Variants in BRIP1 observed in about 807,000 individuals in gnomAD.
The protein encoded by BRIP1 is BRCA1 interacting DNA helicase 1, also known as Fanconi anemia group J protein.
A neutral mutation model predicts 119.7 loss-of-function variants in BRIP1; 88 were observed. That is an observed-to-expected ratio of 0.74 (90% CI 0.62 to 0.88). The LOEUF is 0.88. Ranked by LOEUF, BRIP1 falls within the 40% of genes least tolerant of loss-of-function variation. BRIP1 has a pLI of 0.00. For synonymous variants in BRIP1, 443 were observed against 496.5 expected (o/e 0.89, Z 1.43); for missense variants, 1,259 against 1,455.4 (o/e 0.87, Z 2.20).
chr17:61,826,731 T>TAAA lies in BRIP1; in HGVS notation c.628-17977_628-17975dup, dbSNP rs58466965. ...AGTCAGAATGGCTATTATTAAAAAG[T>TAAA]AAAAAAAAAAAAAAAAAAAAAAAAA... On this transcript the variant is annotated intron_variant, in intron 6 of 19. Coordinates refer to ENST00000259008, the MANE Select transcript of BRIP1 (RefSeq NM_032043.3). Among the ~76,000 whole-genome samples, 115 of 75,314 alleles carry TAAA rather than the reference T, an allele frequency of 1.5e-3. 6 individuals carry two copies. The highest frequency in any genetic ancestry group is 3.5e-3 in the African/African-American group (72 of 20,522). The allele number at this position is 75,314 out of a possible 152,430, so 49.4% of individuals were successfully genotyped here. A position where few individuals can be genotyped will look rare whatever the true frequency, so the allele number is the denominator to read the frequency against.
chr17:61,732,696 ATT>A (rs539570210), intron 16 of BRIP1, among the ~76,000 whole-genome samples: 4 of 146,470 alleles, frequency 2.7e-5, no homozygotes, highest in African/African-American at 7.5e-5. Context: ...TATCATTAAC[ATT>A]TTTTTTTTTT....
rs1212448071 is a variant in BRIP1 at position 61,686,699 on chromosome 17, A to C, written c.2576-534T>G. Among the ~76,000 whole-genome samples, 1 of 152,076 alleles carries C rather than the reference A, an allele frequency of 6.6e-6. No individual in the cohort carries two copies. Among genetic ancestry groups the C allele is most frequent in the Admixed American group, 6.5e-5 (1 of 15,268 alleles). ...ATAAATAACACTGTCTTATGGGTAA[A>C]TCACATCCCTTCTGAATTTTTATGA... is the stretch of plus-strand genomic sequence containing the variant. On this transcript the variant is annotated intron_variant, in intron 18 of 19. Transcript: ENST00000259008. This position sits in a 1 kb window ranked among gnomAD's most constrained non-coding sequence, Gnocchi z 5.4.
rs1035532868 is a variant in BRIP1, at chr17:61,703,530, G to A, written c.2493-10018C>T. On this transcript the variant is annotated intron_variant, in intron 17 of 19. Transcript: ENST00000259008. This position sits in a 1 kb window ranked among gnomAD's most constrained non-coding sequence, Gnocchi z 5.0. ...TCAATTTAAGTTCCTTATGGATTCT[G>A]GATATTAGACGTTTGTAAGATGCAT... Among the ~76,000 whole-genome samples the A allele has an allele frequency of 1.3e-5, 2 of 152,118 alleles. No individual in the cohort carries two copies. Among genetic ancestry groups the A allele is most frequent in the African/African-American group, 4.8e-5 (2 of 41,424 alleles).
chr17:61,767,721 C>T lies in BRIP1; in HGVS notation c.2097+8680G>A, dbSNP rs2077392661. On this transcript the variant is annotated intron_variant, in intron 14 of 19. Coordinates refer to ENST00000259008, the MANE Select transcript of BRIP1 (RefSeq NM_032043.3). This position sits in a 1 kb window ranked among gnomAD's most constrained non-coding sequence, Gnocchi z 5.7. Reference sequence around the variant, plus strand: ...CTGGGATTACAGGTGTGAGTCACCGCACCTGGCCCTTATCCTATGTTTCTT... The same window carrying T: ...CTGGGATTACAGGTGTGAGTCACCGTACCTGGCCCTTATCCTATGTTTCTT... Among the ~76,000 whole-genome samples the T allele has an allele frequency of 6.6e-6, 1 of 152,192 alleles. No individual in the cohort carries two copies. Among genetic ancestry groups the T allele is most frequent in the Non-Finnish European group, 1.5e-5 (1 of 68,026 alleles).
intron 4 of BRIP1, among the ~76,000 whole-genome samples, chr17:61,854,197 A>C (rs911937470): frequency 8.5e-5 from 13 of 152,084 alleles, no homozygotes; most frequent in South Asian, 4.1e-4. Context: ...TGGTTCCAGG[A>C]GGCAGGGGTT....
intron 6 of BRIP1, among the ~76,000 whole-genome samples, chr17:61,821,516 T>C (rs2078325402): frequency 6.7e-6 from 1 of 149,820 alleles, no homozygotes; most frequent in African/African-American, 2.5e-5. Flanking sequence ...TTGTATTTTT[T>C]ACCTTTTTAT....
chr17:61,772,634 C>A (rs186270030), intron 14 of BRIP1, among the ~76,000 whole-genome samples: 2 of 152,010 alleles, frequency 1.3e-5, no homozygotes, highest in East Asian at 3.9e-4. Context: ...GCCTGACCAA[C>A]CTGGAGAAAC....
In BRIP1 at chr17:61,807,584, A is replaced by C. The variant is rs1453832805; in HGVS notation, c.918+883T>G. On this transcript the variant is annotated intron_variant, in intron 7 of 19. Coordinates refer to ENST00000259008, the MANE Select transcript of BRIP1 (RefSeq NM_032043.3). This position sits in a 1 kb window ranked among gnomAD's most constrained non-coding sequence, Gnocchi z 4.5. Reference sequence around the variant, plus strand: ...AATTCACATTATATGGTAGGGGGTGATATATCAATGAAATGAAACTCTGGG... The same window carrying C: ...AATTCACATTATATGGTAGGGGGTGCTATATCAATGAAATGAAACTCTGGG... 6.6e-6 allele frequency among the ~76,000 whole-genome samples: 1 copy of C among 152,172 alleles called. No homozygotes were observed. Among genetic ancestry groups the C allele is most frequent in the East Asian group, 1.9e-4 (1 of 5,204 alleles).
chr17:61,848,991 T>C lies in BRIP1; in HGVS notation c.507+138A>G. The C allele has an allele frequency of 1.0e-6, 1 of 993,680 alleles. No individual in the cohort carries two copies. The allele number at this position is 993,680 out of a possible 1,614,324, so 61.6% of individuals were successfully genotyped here. A position where few individuals can be genotyped will look rare whatever the true frequency, so the allele number is the denominator to read the frequency against. ...CTTTGTAACAAGTAACTCTACAAAATGAAATTACAACAAATTATTAATTTA... is the reference window on the plus strand; with the variant it reads ...CTTTGTAACAAGTAACTCTACAAAACGAAATTACAACAAATTATTAATTTA... On this transcript the variant is annotated intron_variant, in intron 5 of 19. Coordinates refer to ENST00000259008, the MANE Select transcript of BRIP1 (RefSeq NM_032043.3). This position sits in a 1 kb window ranked among gnomAD's most constrained non-coding sequence, Gnocchi z 4.3.
chr17:61,833,679 A>AG (rs2078527922), intron 6 of BRIP1, among the ~76,000 whole-genome samples: 1 of 151,924 alleles, frequency 6.6e-6, no homozygotes, highest in Non-Finnish European at 1.5e-5. Flanking sequence ...TCAAAAAAAA[A>AG]AAAAAAAGCC....
intron 14 of BRIP1, among the ~76,000 whole-genome samples, chr17:61,772,189 AT>A (rs2077462627): frequency 1.5e-5 from 2 of 132,786 alleles, no homozygotes; most frequent in Non-Finnish European, 3.2e-5. Flanking sequence ...ATATATATAT[AT>A]ATATATATAT....
In BRIP1 at chr17:61,822,284, T is replaced by C. The variant is rs1463269066; in HGVS notation, c.628-13527A>G. Among the ~76,000 whole-genome samples the C allele has an allele frequency of 6.6e-6, 1 of 152,168 alleles. No individual in the cohort carries two copies. The highest frequency in any genetic ancestry group is 1.5e-5 in the Non-Finnish European group (1 of 68,032). ...TTACTAGAATTTTTATAAGCAAATA[T>C]CACTTTTATAAAAACAATTACATTT... On this transcript the variant is annotated intron_variant, in intron 6 of 19. Coordinates refer to ENST00000259008, the MANE Select transcript of BRIP1 (RefSeq NM_032043.3). The surrounding 1 kb of genome is among the most constrained non-coding windows in gnomAD (Gnocchi z 4.4).
rs759061356 is a variant in BRIP1, at chr17:61,815,074, T to C, written c.628-6317A>G. On this transcript the variant is annotated intron_variant, in intron 6 of 19. Coordinates refer to ENST00000259008, the MANE Select transcript of BRIP1 (RefSeq NM_032043.3). This position sits in a 1 kb window ranked among gnomAD's most constrained non-coding sequence, Gnocchi z 4.1. Reference sequence around the variant, plus strand: ...GGAAGATAATCTTAAAAGCTAACAATTGTCATGAAAAACATACCTGAAAAA... The same window carrying C: ...GGAAGATAATCTTAAAAGCTAACAACTGTCATGAAAAACATACCTGAAAAA... Among the ~76,000 whole-genome samples, 3 of 149,724 alleles carry C rather than the reference T, an allele frequency of 2.0e-5. No individual in the cohort carries two copies. The highest frequency in any genetic ancestry group is 2.1e-4 in the South Asian group (1 of 4,754).
intron 17 of BRIP1, among the ~76,000 whole-genome samples, chr17:61,702,538 A>G (rs1175578033): frequency 6.6e-6 from 1 of 152,158 alleles, no homozygotes; most frequent in Non-Finnish European, 1.5e-5. Context: ...GCTCCCGTGT[A>G]TAAGTGAGAA....
rs2078339307 is a variant in BRIP1 at position 61,822,368 on chromosome 17, GAAGT to G, written c.628-13615_628-13612del. On this transcript the variant is annotated intron_variant, in intron 6 of 19. Transcript: ENST00000259008. This position sits in a 1 kb window ranked among gnomAD's most constrained non-coding sequence, Gnocchi z 4.4. The stretch of plus-strand genomic sequence containing the variant: ...CAGGGTAGAGATACTACCAAAAGGA[GAAGT>G]AACTAGTTTTTCAGGGCTTGCAGAA... 5.3e-5 allele frequency among the ~76,000 whole-genome samples: 8 copies of G among 152,076 alleles called. No homozygotes were observed. Among genetic ancestry groups the G allele is most frequent in the Admixed American group, 5.2e-4 (8 of 15,264 alleles).
chr17:61,693,933 CAT>C lies in BRIP1; in HGVS notation c.2493-423_2493-422del, dbSNP rs1225036805. ...ATATTCTAAAATTCAATTGACATAA[CAT>C]GTAGTTTTTCTTCTTTTGACTGTTA... On this transcript the variant is annotated intron_variant, in intron 17 of 19. Coordinates refer to ENST00000259008, the MANE Select transcript of BRIP1 (RefSeq NM_032043.3). The surrounding 1 kb of genome is among the most constrained non-coding windows in gnomAD (Gnocchi z 4.2). Among the ~76,000 whole-genome samples the C allele has an allele frequency of 6.6e-5, 10 of 151,934 alleles. No homozygotes were observed. The highest frequency in any genetic ancestry group is 1.0e-4 in the Non-Finnish European group (7 of 67,948).
In BRIP1 at chr17:61,683,209, C is replaced by A. The variant is rs557749565; in HGVS notation, c.*87G>T. 85 of 1,396,598 alleles carry A rather than the reference C, an allele frequency of 6.1e-5. No homozygotes were observed. Among genetic ancestry groups the A allele is most frequent in the Non-Finnish European group, 7.8e-5 (79 of 1,008,106 alleles). The allele number at this position is 1,396,598 out of a possible 1,614,324, so 86.5% of individuals were successfully genotyped here. On this transcript the variant is annotated 3_prime_UTR_variant, in exon 20 of 20. Coordinates refer to ENST00000259008, the MANE Select transcript of BRIP1 (RefSeq NM_032043.3). This position sits in a 1 kb window ranked among gnomAD's most constrained non-coding sequence, Gnocchi z 4.7. Reference sequence around the variant, plus strand: ...AAATAGTTTTTTAAAAAGTATGCCACTTATTCAATTTACAAATTATTACTT... The same window carrying A: ...AAATAGTTTTTTAAAAAGTATGCCAATTATTCAATTTACAAATTATTACTT...
In BRIP1 at chr17:61,846,431, G is replaced by C. The variant is rs954790669; in HGVS notation, c.627+670C>G. Among the ~76,000 whole-genome samples, 2 of 151,780 alleles carry C rather than the reference G, an allele frequency of 1.3e-5. No individual in the cohort carries two copies. Among genetic ancestry groups the C allele is most frequent in the African/African-American group, 4.8e-5 (2 of 41,328 alleles). ...GACGGGGTCTCACTCTGTCATCCAG[G>C]CTGGAGTGCAGTGTGGTGCAATCTT... On this transcript the variant is annotated intron_variant, in intron 6 of 19. Transcript: ENST00000259008. This position sits in a 1 kb window ranked among gnomAD's most constrained non-coding sequence, Gnocchi z 4.3.
rs1364507091 is a variant in BRIP1 at position 61,695,547 on chromosome 17, A to T, written c.2493-2035T>A. Reference sequence around the variant, plus strand: ...AAAGTCAGCTGGGATTTTGATTAGTATTGTATTTAACCTCTATATCAATAT... The same window carrying T: ...AAAGTCAGCTGGGATTTTGATTAGTTTTGTATTTAACCTCTATATCAATAT... On this transcript the variant is annotated intron_variant, in intron 17 of 19. Transcript: ENST00000259008. This position sits in a 1 kb window ranked among gnomAD's most constrained non-coding sequence, Gnocchi z 4.3. Among the ~76,000 whole-genome samples the T allele has an allele frequency of 1.3e-5, 2 of 152,114 alleles. No homozygotes were observed. The highest frequency in any genetic ancestry group is 2.9e-5 in the Non-Finnish European group (2 of 67,972).
Sources: allele counts gnomAD v4.1 joint callset (sites outside exome capture counted in the v4.1 genomes callset), GRCh38; gene constraint gnomAD v4.1.1; non-coding constraint Gnocchi (gnomAD v3.1); transcripts MANE v1.5; gene names NCBI Gene and HGNC (gene_info 2026-07-23, HGNC 2026-07-21).